The following GKAP1 variants were observed in gnomAD, a reference collection of about 807,000 sequenced individuals.
The protein encoded by GKAP1 is G kinase-anchoring protein 1.
Under a neutral mutation model 56.7 loss-of-function variants are expected in GKAP1, and 31 were observed. The ratio of observed to expected loss-of-function variants is 0.55; its 90% CI spans 0.41 to 0.74. The LOEUF (loss-of-function observed/expected upper bound fraction) is 0.74. GKAP1 is among the 30% of genes least tolerant of loss of function. The probability of loss-of-function intolerance (pLI) is 0.00; values close to 1 mark genes in which losing one functional copy is unlikely to be tolerated. For missense variants in GKAP1, 364 were observed against 402.3 expected, an observed-to-expected ratio of 0.90 and a Z score of 0.82; for synonymous variants, 151 against 138.6, an observed-to-expected ratio of 1.09 and a Z score of -0.63.
chr9:83,804,657 G>A (rs182408), intron 3 of GKAP1, among the ~76,000 whole-genome samples: 53,797 of 129,982 alleles, frequency 0.41, 11,651 homozygotes, highest in African/African-American at 0.53. Flanking sequence ...CAGCCGCCCC[G>A]TCCGGGAGGG....
At chr9:83,780,488 CTG>C (rs961635320) in intron 6 of GKAP1, 84 bp from the exon 7 acceptor site, 13 of 591,294 alleles carry the variant, frequency 2.2e-5, no homozygotes, top group South Asian at 1.6e-4. Context: ...AAAAACGAAA[CTG>C]AAAGAATTTC....
At chr9:83,803,236 C>A (rs1944361695) in intron 3 of GKAP1, among the ~76,000 whole-genome samples, 1 of 151,294 alleles carries the variant, frequency 6.6e-6, no homozygotes, top group East Asian at 1.9e-4. Flanking sequence ...CCTCTCCCCT[C>A]TCCCCTCTCC....
chr9:83,794,209 G>C (rs1052063841), intron 4 of GKAP1, among the ~76,000 whole-genome samples: 1 of 151,994 alleles, frequency 6.6e-6, no homozygotes, highest in East Asian at 1.9e-4. Flanking sequence ...AAAGAAACTT[G>C]GTGAGACCAG....
rs374965379 is a variant in GKAP1 at position 83,786,317 on chromosome 9, C to A, written c.439-1479G>T. Among the ~76,000 whole-genome samples, 83 of 151,894 alleles carry A rather than the reference C, an allele frequency of 5.5e-4. 1 individual carries two copies. The Middle Eastern group carries it at 0.014, about 25-fold the overall frequency. ...CAGCACTTTGGGAGGCTGAGGCGGG[C>A]GGATCACCTCAGGTCGGGAGTTCAA... On this transcript the variant is annotated intron_variant, in intron 5 of 12. Transcript: ENST00000376371.
At chr9:83,747,964 C>A (rs531658542) in intron 10 of GKAP1, among the ~76,000 whole-genome samples, 2 of 151,990 alleles carry the variant, frequency 1.3e-5, no homozygotes, top group South Asian at 4.1e-4. Flanking sequence ...CTCTGGGAAA[C>A]CTTTCTACTT....
At chr9:83,799,488 A>G (rs966926043) in intron 3 of GKAP1, among the ~76,000 whole-genome samples, 160 bp from the exon 4 acceptor site, 1 of 152,162 alleles carries the variant, frequency 6.6e-6, no homozygotes, top group African/African-American at 2.4e-5. Context: ...GTTTTCTATA[A>G]TCTTTGTAGA....
At chr9:83,750,245 T>C (rs1340274263) in intron 9 of GKAP1, among the ~76,000 whole-genome samples, 1 of 152,350 alleles carries the variant, frequency 6.6e-6, no homozygotes, top group East Asian at 1.9e-4. Flanking sequence ...ACCAGTAACA[T>C]ATTAGCTAAT....
intron 2 of GKAP1, among the ~76,000 whole-genome samples, chr9:83,814,857 G>A (rs1042345666): frequency 7.2e-5 from 11 of 152,238 alleles, no homozygotes; most frequent in African/African-American, 2.7e-4. Flanking sequence ...TTTTGTCTAG[G>A]AAGCATATCT....
chr9:83,800,627 C>G (rs563506553), intron 3 of GKAP1, among the ~76,000 whole-genome samples: 1 of 152,230 alleles, frequency 6.6e-6, no homozygotes, highest in South Asian at 2.1e-4. Flanking sequence ...TGAGCCACCG[C>G]GCCCGGCCCC....
At chr9:83,810,320 A>G (rs981714667) in intron 2 of GKAP1, among the ~76,000 whole-genome samples, 1 of 152,208 alleles carries the variant, frequency 6.6e-6, no homozygotes, top group African/African-American at 2.4e-5. Context: ...TCAGGAACTG[A>G]ATATTCTTAT....
intron 8 of GKAP1, among the ~76,000 whole-genome samples, chr9:83,762,470 A>G (rs899711595): frequency 1.3e-5 from 2 of 152,200 alleles, no homozygotes; most frequent in Non-Finnish European, 2.9e-5. Context: ...TAAAATGTCG[A>G]TACCACCCAA....
intron 3 of GKAP1, among the ~76,000 whole-genome samples, chr9:83,802,698 T>C (rs1944351071): frequency 6.6e-6 from 1 of 151,170 alleles, no homozygotes; most frequent in Admixed American, 6.6e-5. Context: ...GTGGTGGTGC[T>C]TGCCTGTAGT....
At chr9:83,750,343 C>T (rs757391270) in intron 9 of GKAP1, among the ~76,000 whole-genome samples, 8 of 152,154 alleles carry the variant, frequency 5.3e-5, no homozygotes, top group Non-Finnish European at 7.4e-5. Flanking sequence ...ATTAAATACA[C>T]GTGTTGTTAC....
At chr9:83,758,733 G>C (rs528469430) in intron 8 of GKAP1, among the ~76,000 whole-genome samples, 10 of 149,710 alleles carry the variant, frequency 6.7e-5, no homozygotes, top group African/African-American at 2.5e-4. Context: ...AGGTGACAGA[G>C]ACTCCATCTC....
chr9:83,753,012 A>T (rs1003016419), intron 9 of GKAP1, among the ~76,000 whole-genome samples: 10 of 152,024 alleles, frequency 6.6e-5, no homozygotes, highest in African/African-American at 2.4e-4. Flanking sequence ...CCGAGCTGAG[A>T]TCACTCCATT....
chr9:83,747,406 G>A (rs1173281914), intron 10 of GKAP1, among the ~76,000 whole-genome samples: 1 of 152,096 alleles, frequency 6.6e-6, no homozygotes, highest in Non-Finnish European at 1.5e-5. Flanking sequence ...AGGGGAGAAG[G>A]AAATAAGGAA....
At chr9:83,748,797 T>C in intron 9 of GKAP1, 2 of 152,478 alleles carry the variant, frequency 1.3e-5, no homozygotes, top group South Asian at 4.1e-4. Context: ...CACTGTCCAA[T>C]ATGCGACTAC....
At chr9:83,788,251 C>T (rs1944097464) in intron 5 of GKAP1, among the ~76,000 whole-genome samples, 1 of 152,118 alleles carries the variant, frequency 6.6e-6, no homozygotes, top group South Asian at 2.1e-4. Context: ...GCACTCCAGC[C>T]TGGGCAAGAG....
At chr9:83,799,356 AT>A in intron 3 of GKAP1, 28 bp from the exon 4 acceptor site, 1 of 1,503,568 alleles carries the variant, frequency 6.7e-7, no homozygotes, top group Non-Finnish European at 9.0e-7. Context: ...AATATATTAA[AT>A]TCAGTTTACC....
Sources: gnomAD v4.1 joint callset for allele counts (sites outside exome capture counted in the v4.1 genomes callset) on GRCh38, gnomAD v4.1.1 for gene constraint, MANE v1.5 for transcripts, NCBI Gene and HGNC (gene_info 2026-07-23, HGNC 2026-07-21) for gene names.